The following ODAD2 variants were observed in gnomAD, a reference collection of about 807,000 sequenced individuals.
ODAD2 encodes the protein outer dynein arm docking complex subunit 2.
ODAD2 carries 89 observed loss-of-function variants against 106.8 expected under a neutral mutation model. That is an observed-to-expected ratio of 0.83 (90% confidence interval 0.70 to 0.99). The LOEUF is 0.99. ODAD2 is among the 50% of genes least tolerant of loss of function. ODAD2 has a pLI of 0.00. For synonymous variants in ODAD2, 404 were observed against 436.2 expected (o/e 0.93, Z 0.92); for missense variants, 1,168 against 1,238.5 (o/e 0.94, Z 0.85).
chr10:27,932,953 A>G (rs1489109365), intron 16 of ODAD2, among the ~76,000 whole-genome samples: 1 of 152,172 alleles, frequency 6.6e-6, no homozygotes, highest in Non-Finnish European at 1.5e-5. Flanking sequence ...ATATGTGTTT[A>G]ATGTAAAGGA....
intron 16 of ODAD2, among the ~76,000 whole-genome samples, chr10:27,928,860 C>G (rs994979285): frequency 6.6e-6 from 1 of 152,128 alleles, no homozygotes; most frequent in Non-Finnish European, 1.5e-5. Flanking sequence ...CATAAATTCA[C>G]TTAATCATCT....
intron 17 of ODAD2, among the ~76,000 whole-genome samples, chr10:27,863,182 G>A (rs541952075): frequency 2.4e-4 from 36 of 152,206 alleles, no homozygotes; most frequent in African/African-American, 8.4e-4. Context: ...CTCATGCAAT[G>A]GAGCTTATTT....
intron 17 of ODAD2, chr10:27,904,849 T>G (rs1357182107): frequency 6.6e-6 from 1 of 152,254 alleles, no homozygotes; most frequent in African/African-American, 2.4e-5. Context: ...AATGGGCATC[T>G]TGATGATGAG....
At chr10:27,977,785 T>A (rs902337659) in intron 7 of ODAD2, among the ~76,000 whole-genome samples, 2 of 151,944 alleles carry the variant, frequency 1.3e-5, no homozygotes, top group Non-Finnish European at 2.9e-5. Context: ...AATAAGCACA[T>A]GAAAAGATGC....
chr10:27,903,590 C>G (rs1843367456), intron 17 of ODAD2, among the ~76,000 whole-genome samples: 1 of 152,210 alleles, frequency 6.6e-6, no homozygotes, highest in South Asian at 2.1e-4. Flanking sequence ...TGATAACCAA[C>G]TTCAGCAAAG....
chr10:27,855,018 G>A (rs777467911), intron 19 of ODAD2, among the ~76,000 whole-genome samples: 2 of 152,108 alleles, frequency 1.3e-5, no homozygotes, highest in African/African-American at 2.4e-5. Context: ...GCAGAGTGGG[G>A]CAGGAGACAG....
At chr10:27,962,616 G>A (rs1848214234) in intron 9 of ODAD2, among the ~76,000 whole-genome samples, 1 of 152,224 alleles carries the variant, frequency 6.6e-6, no homozygotes, top group African/African-American at 2.4e-5. Context: ...ACATTACCAT[G>A]CAAAGTGTTG....
chr10:27,907,254 C>T lies in ODAD2; in HGVS notation c.2610+409G>A, dbSNP rs530171246. Among the ~76,000 whole-genome samples the T allele has an allele frequency of 2.1e-4, 32 of 152,256 alleles. No individual in the cohort carries two copies. In the South Asian group the frequency reaches 6.4e-3, roughly 31 times the overall value. ...GTGACCTTTTCAAAGCAACACAGAA[C>T]GTAGTGCTCTCTCACTGCAGGCTGT... On this transcript the variant is annotated intron_variant, in intron 17 of 19. Coordinates refer to ENST00000305242, the MANE Select transcript of ODAD2 (RefSeq NM_018076.5).
intron 1 of ODAD2, chr10:27,997,459 T>C (rs1338794600): frequency 3.3e-5 from 5 of 152,194 alleles, no homozygotes; most frequent in Admixed American, 1.3e-4. Context: ...CGAAATTAAA[T>C]AGATTATGTA....
chr10:27,917,350 G>T (rs1304748156), intron 16 of ODAD2, among the ~76,000 whole-genome samples: 1 of 152,042 alleles, frequency 6.6e-6, no homozygotes, highest in Non-Finnish European at 1.5e-5. Context: ...CACAACTTAT[G>T]TTTGTGGGAT....
chr10:27,834,236 C>A (rs952584607), intron 19 of ODAD2, among the ~76,000 whole-genome samples: 1 of 152,132 alleles, frequency 6.6e-6, no homozygotes, highest in Non-Finnish European at 1.5e-5. Flanking sequence ...TTTTCCCTGG[C>A]GTAACATTAT....
At position 27,962,583 on chromosome 10, in the gene ODAD2, G is replaced by T. The variant is rs1304852390; in HGVS notation, c.1239-868C>A. Among the ~76,000 whole-genome samples the T allele has an allele frequency of 2.0e-5, 3 of 152,232 alleles. No homozygotes were observed. In the East Asian group the frequency reaches 5.8e-4, roughly 29 times the overall value. On this transcript the variant is annotated intron_variant, in intron 9 of 19. Coordinates refer to ENST00000305242, the MANE Select transcript of ODAD2 (RefSeq NM_018076.5). ...GAACATAATCAGGTTCAGGACCAAA[G>T]AGTTAACCACCAACTCTGAGAGACA...
chr10:27,937,065 C>A (rs974807568), intron 14 of ODAD2, among the ~76,000 whole-genome samples, 185 bp from the exon 15 acceptor site: 3 of 152,130 alleles, frequency 2.0e-5, no homozygotes, highest in African/African-American at 7.2e-5. Flanking sequence ...TGTCTCTCTC[C>A]TTATGTGGCT....
At chr10:27,866,623 G>T (rs1840457453) in intron 17 of ODAD2, among the ~76,000 whole-genome samples, 1 of 152,176 alleles carries the variant, frequency 6.6e-6, no homozygotes. Context: ...TCTGCTTCTG[G>T]TGAGGGCCTC....
intron 12 of ODAD2, among the ~76,000 whole-genome samples, chr10:27,941,376 T>A (rs1217345012): frequency 6.7e-6 from 1 of 150,362 alleles, no homozygotes; most frequent in East Asian, 2.0e-4. Flanking sequence ...TCCCAGCTAC[T>A]CAGGAGGCTG....
intron 8 of ODAD2, among the ~76,000 whole-genome samples, chr10:27,970,012 A>C (rs1848734032): frequency 6.6e-6 from 1 of 152,060 alleles, no homozygotes; most frequent in African/African-American, 2.4e-5. Context: ...AGGCTGAAGC[A>C]AGAGAATCGC....
chr10:27,959,120 T>A, intron 10 of ODAD2: 1 of 717,836 alleles, frequency 1.4e-6, no homozygotes, highest in Non-Finnish European at 1.9e-6. Flanking sequence ...GAAGACTGCT[T>A]GAGGCCAGGA....
At position 27,899,346 on chromosome 10, in the gene ODAD2, C is replaced by T. The variant is rs191081156; in HGVS notation, c.2610+8317G>A. On this transcript the variant is annotated intron_variant, in intron 17 of 19. Coordinates refer to ENST00000305242, the MANE Select transcript of ODAD2 (RefSeq NM_018076.5). ...ACCAGGAGATTCCCTCAGGCGCCCA[C>T]ACCACCAAAGCCATGGGTTTCAAGC... Among the ~76,000 whole-genome samples the T allele has an allele frequency of 3.2e-3, 480 of 152,246 alleles. 1 individual carries two copies. Among genetic ancestry groups the T allele is most frequent in the African/African-American group, 0.011 (467 of 41,544 alleles).
chr10:27,907,168 A>G (rs1053364233), intron 17 of ODAD2, among the ~76,000 whole-genome samples: 1 of 152,252 alleles, frequency 6.6e-6, no homozygotes, highest in African/African-American at 2.4e-5. Context: ...AATCGATTTC[A>G]GAAACTTCTG....
Sources: allele counts gnomAD v4.1 joint callset (sites outside exome capture counted in the v4.1 genomes callset), GRCh38; gene constraint gnomAD v4.1.1; transcripts MANE v1.5; gene names NCBI Gene and HGNC (gene_info 2026-07-23, HGNC 2026-07-21).